The following RAD54L2 variants were observed in gnomAD, a reference collection of about 807,000 sequenced individuals.
The protein encoded by RAD54L2 is RAD54 like 2.
A neutral mutation model predicts 138.4 loss-of-function variants in RAD54L2; 27 were observed. That is an observed-to-expected ratio of 0.20 (90% CI 0.14 to 0.27). The LOEUF (loss-of-function observed/expected upper bound fraction) is 0.27, where lower values mean the gene tolerates loss of function less well. Ranked by LOEUF, RAD54L2 falls within the 10% of genes least tolerant of loss-of-function variation. The pLI is 1.00. For synonymous variants in RAD54L2, 644 were observed against 723.2 expected (o/e 0.89, Z 1.76); for missense variants, 1,396 against 1,890.2 (o/e 0.74, Z 4.85).
At position 51,538,932 on chromosome 3, in the gene RAD54L2, G is replaced by A. The variant is rs1553670675; in HGVS notation, c.-117+17G>A. ...GCGCAGGAGGTGAGACGCCGGTGCCGGTTCCTCGCTCCCGGCCGGGGCCGC... is the reference window on the plus strand; with the variant it reads ...GCGCAGGAGGTGAGACGCCGGTGCCAGTTCCTCGCTCCCGGCCGGGGCCGC... On this transcript the variant is annotated intron_variant, in intron 1 of 22. Transcript: ENST00000684192. Among the ~76,000 whole-genome samples the A allele has an allele frequency of 2.0e-5, 3 of 152,278 alleles. No individual in the cohort carries two copies. In the South Asian group the frequency reaches 6.2e-4, roughly 32 times the overall value.
At chr3:51,635,928 A>G in intron 10 of RAD54L2, 139 bp downstream of exon 10, 2 of 895,816 alleles carry the variant, frequency 2.2e-6, no homozygotes, top group Admixed American at 3.0e-5. Flanking sequence ...GGTTCCCAAG[A>G]TCAGTAGGAT....
intron 2 of RAD54L2, among the ~76,000 whole-genome samples, chr3:51,570,615 C>G (rs1699318696): frequency 6.6e-6 from 1 of 151,650 alleles, no homozygotes; most frequent in Non-Finnish European, 1.5e-5. Context: ...CGCCACCACA[C>G]CCAGCTAATT....
chr3:51,642,418 A>C (rs1701162670), intron 15 of RAD54L2, among the ~76,000 whole-genome samples: 1 of 151,552 alleles, frequency 6.6e-6, no homozygotes, highest in Admixed American at 6.6e-5. Context: ...ACAGATATAC[A>C]GTTTATCTGT....
chr3:51,595,248 G>A (rs1699936447), intron 3 of RAD54L2, among the ~76,000 whole-genome samples: 1 of 152,210 alleles, frequency 6.6e-6, no homozygotes, highest in Admixed American at 6.5e-5. Context: ...GACATGGCCT[G>A]TAGACAGGGA....
intron 9 of RAD54L2, 130 bp from the exon 10 acceptor site, chr3:51,635,463 G>T: frequency 9.9e-7 from 1 of 1,014,324 alleles, no homozygotes; most frequent in Non-Finnish European, 1.4e-6. Flanking sequence ...TGAAATCTTT[G>T]GTAATAAGAA....
chr3:51,625,199 A>C (rs1700652176), intron 3 of RAD54L2, among the ~76,000 whole-genome samples: 1 of 152,192 alleles, frequency 6.6e-6, no homozygotes, highest in African/African-American at 2.4e-5. Flanking sequence ...TGGGTGGATC[A>C]CTTGAGGTCG....
rs1355309648 is a variant in RAD54L2, at chr3:51,664,538, T to A, written c.*1118T>A. ...TATTACTTGGACTTTTCATGTGTCT[T>A]GTTTATTTGGGGGTGGGGGGAGGTT... On this transcript the variant is annotated 3_prime_UTR_variant, in exon 23 of 23. Transcript: ENST00000684192. 6.6e-6 allele frequency: 1 copy of A among 151,860 alleles called. No homozygotes were observed. The highest frequency in any genetic ancestry group is 1.5e-5 in the Non-Finnish European group (1 of 67,986). The allele number at this position is 151,860 out of a possible 1,614,324, so 9.4% of individuals were successfully genotyped here.
Position 51,646,394 on chromosome 3 carries a change from T to G in RAD54L2, c.2939T>G (p.Val980Gly). The G allele has an allele frequency of 1.2e-6, 2 of 1,613,664 alleles. No individual in the cohort carries two copies. Among genetic ancestry groups the G allele is most frequent in the Non-Finnish European group, 1.7e-6 (2 of 1,179,814 alleles). Residue 980 changes from valine to glycine, a missense_variant, in exon 19 of 23, where the codon GTC (valine) becomes GGC (glycine). Around this residue, in one of 7 missense-constraint regions of RAD54L2, gnomAD observed 634 missense variants for 711.2 expected, o/e 0.89. Coordinates refer to ENST00000684192, the MANE Select transcript of RAD54L2 (RefSeq NM_015106.4). Reference protein sequence around the residue: ...KSYEEDKRTSVPYTRPSYAQY... With the variant: ...KSYEEDKRTSGPYTRPSYAQY... ...TATGAGGAAGACAAACGCACATCAG[T>G]CCCCTATACCCGCCCATCGTATGCG...
rs1338372089 is a variant in RAD54L2 at position 51,662,156 on chromosome 3, C to T, written c.3410-270C>T. The stretch of plus-strand genomic sequence containing the variant: ...AATGATCTCTTAGTGTTTCATATCC[C>T]TTATCTCGTAGGATTCATTTTGGTA... On this transcript the variant is annotated intron_variant, in intron 22 of 22. Transcript: ENST00000684192. The surrounding 1 kb of genome is among the most constrained non-coding windows in gnomAD (Gnocchi z 4.6). 6.6e-6 allele frequency among the ~76,000 whole-genome samples: 1 copy of T among 152,134 alleles called. No individual in the cohort carries two copies. The highest frequency in any genetic ancestry group is 6.5e-5 in the Admixed American group (1 of 15,272).
At position 51,662,599 on chromosome 3, in the gene RAD54L2, T is replaced by A; in HGVS notation, c.3583T>A (p.Ser1195Thr). 1 of 1,612,974 alleles carries A rather than the reference T, an allele frequency of 6.2e-7. No individual in the cohort carries two copies. The highest frequency in any genetic ancestry group is 8.5e-7 in the Non-Finnish European group (1 of 1,179,476). ...TGCTGCCCGGGAATCCCGTCAGAGC[T>A]CCCCAAGCACCAATGCCGCCCTGCC... is the stretch of plus-strand genomic sequence containing the variant. ...VAAARESRQS[S>T]PSTNAALPGP... Residue 1195 changes from serine (S) to threonine (T), a missense_variant, in exon 23 of 23, where the codon TCC becomes ACC. Physicochemically the swap from Ser to Thr is moderately conservative, Grantham distance 58. Transcript: ENST00000684192. This position sits in a 1 kb window ranked among gnomAD's most constrained non-coding sequence, Gnocchi z 4.6.
At chr3:51,590,332 C>G (rs1234983631) in intron 2 of RAD54L2, 35 bp from the exon 3 acceptor site, 1 of 1,400,676 alleles carries the variant, frequency 7.1e-7, no homozygotes, top group Non-Finnish European at 9.4e-7. Context: ...TAAGCAAAAC[C>G]CTTGGTGATT....
In RAD54L2 at chr3:51,638,092, G is replaced by GA; in HGVS notation, c.1683-51dup. On this transcript the variant is annotated intron_variant, in intron 11 of 22. Coordinates refer to ENST00000684192, the MANE Select transcript of RAD54L2 (RefSeq NM_015106.4). This position sits in a 1 kb window ranked among gnomAD's most constrained non-coding sequence, Gnocchi z 4.3. ...AAAGGCTCTGTTTTTATCTTGTGCT[G>GA]ACCCCTCCTGGCCACACTACCTTGC... 1 of 1,566,044 alleles carries GA rather than the reference G, an allele frequency of 6.4e-7. No homozygotes were observed. Among genetic ancestry groups the GA allele is most frequent in the Non-Finnish European group, 8.8e-7 (1 of 1,142,002 alleles).
In RAD54L2 at chr3:51,627,151, A is replaced by G. The variant is rs565243556; in HGVS notation, c.140-402A>G. On this transcript the variant is annotated intron_variant, in intron 3 of 22. Transcript: ENST00000684192. ...ATGCTTTAAGACAGATGAGAGGTGA[A>G]TGGACTTGCTTAGAGTCATACCACT... is the stretch of plus-strand genomic sequence containing the variant. Among the ~76,000 whole-genome samples, 11 of 152,318 alleles carry G rather than the reference A, an allele frequency of 7.2e-5. No individual in the cohort carries two copies. The East Asian group carries it at 2.1e-3, about 29-fold the overall frequency.
At chr3:51,542,705 C>T (rs1182618493) in intron 2 of RAD54L2, among the ~76,000 whole-genome samples, 5 of 152,094 alleles carry the variant, frequency 3.3e-5, no homozygotes, top group Non-Finnish European at 7.4e-5. Flanking sequence ...CCTCGTGATC[C>T]GCCCGTCTTG....
chr3:51,589,487 A>G lies in RAD54L2; in HGVS notation c.-54-880A>G, dbSNP rs538419793. 2.6e-5 allele frequency among the ~76,000 whole-genome samples: 4 copies of G among 152,256 alleles called. No homozygotes were observed. The East Asian group carries it at 7.7e-4, about 29-fold the overall frequency. On this transcript the variant is annotated intron_variant, in intron 2 of 22. Transcript: ENST00000684192. Reference sequence around the variant, plus strand: ...GGCAGCACAGAAAACTGCACACTTCATGATAGCATGGTGGACTGGAAGCTT... The same window carrying G: ...GGCAGCACAGAAAACTGCACACTTCGTGATAGCATGGTGGACTGGAAGCTT...
At chr3:51,582,722 G>A (rs1048334977) in intron 2 of RAD54L2, among the ~76,000 whole-genome samples, 4 of 151,890 alleles carry the variant, frequency 2.6e-5, no homozygotes, top group Non-Finnish European at 5.9e-5. Flanking sequence ...GTAGGGGTGT[G>A]CTATTCAATG....
intron 13 of RAD54L2, 24 bp from the exon 14 acceptor site, chr3:51,639,857 A>G (rs1007058270): frequency 1.3e-6 from 2 of 1,557,030 alleles, no homozygotes; most frequent in Non-Finnish European, 1.8e-6. Context: ...ACCTGCTCTA[A>G]GCTGCCTTGT....
intron 12 of RAD54L2, 70 bp from the exon 13 acceptor site, chr3:51,639,349 T>C: frequency 6.4e-7 from 1 of 1,552,976 alleles, no homozygotes; most frequent in Non-Finnish European, 8.8e-7. Flanking sequence ...AGTATGTGTT[T>C]CCAGACTCCC....
chr3:51,557,675 C>T (rs1381117256), intron 2 of RAD54L2, among the ~76,000 whole-genome samples: 2 of 151,432 alleles, frequency 1.3e-5, no homozygotes, highest in African/African-American at 2.4e-5. Flanking sequence ...ATTAAATATA[C>T]AAAAATTAGC....
Sources: allele counts gnomAD v4.1 joint callset (sites outside exome capture counted in the v4.1 genomes callset), GRCh38; gene constraint gnomAD v4.1.1; regional missense constraint gnomAD v4.1.1; non-coding constraint Gnocchi (gnomAD v3.1); transcripts MANE v1.5; gene names NCBI Gene and HGNC (gene_info 2026-07-23, HGNC 2026-07-21).